The following DDX10 variants were observed in gnomAD, a reference collection of about 807,000 sequenced individuals.
The protein encoded by DDX10 is probable ATP-dependent RNA helicase DDX10.
DDX10 carries 74 observed loss-of-function variants against 104.3 expected under a neutral mutation model. That is an observed-to-expected ratio of 0.71 (90% CI 0.59 to 0.86). The LOEUF (loss-of-function observed/expected upper bound fraction) is 0.86. Among genes scored for constraint, DDX10 ranks in the 40% least tolerant of loss-of-function variants. The pLI is 0.00. For missense variants in DDX10, 952 were observed against 1,040.0 expected (o/e 0.92, Z 1.16); for synonymous variants, 351 against 353.4 (o/e 0.99, Z 0.08).
intron 17 of DDX10, among the ~76,000 whole-genome samples, chr11:108,927,469 A>T (rs1305812765): frequency 6.6e-6 from 1 of 152,088 alleles, no homozygotes; most frequent in Non-Finnish European, 1.5e-5. Context: ...TAACTTAATT[A>T]TTGGAACTGT....
intron 9 of DDX10, among the ~76,000 whole-genome samples, chr11:108,704,247 A>T (rs1189047984): frequency 6.6e-6 from 1 of 152,124 alleles, no homozygotes; most frequent in Non-Finnish European, 1.5e-5. Context: ...CTCTTTGCCA[A>T]AGTTCTTGCC....
At chr11:108,847,243 G>A (rs1307567143) in intron 15 of DDX10, among the ~76,000 whole-genome samples, 1 of 152,180 alleles carries the variant, frequency 6.6e-6, no homozygotes, top group Non-Finnish European at 1.5e-5. Context: ...TAATAATTCA[G>A]TCAGAACTGT....
At chr11:108,843,687 T>A (rs1210134293) in intron 15 of DDX10, among the ~76,000 whole-genome samples, 4 of 150,744 alleles carry the variant, frequency 2.7e-5, no homozygotes, top group African/African-American at 9.8e-5. Context: ...ACCTGGGAGG[T>A]GGAGGTTGCA....
In DDX10 at chr11:108,720,673, C is replaced by T. The variant is rs562750356; in HGVS notation, c.1499+788C>T. On this transcript the variant is annotated intron_variant, in intron 12 of 17. Transcript: ENST00000322536. The stretch of plus-strand genomic sequence containing the variant: ...TGGTGTGATCATGGCTCACTGCATC[C>T]TTGACCTCCCAGGCTTAGGTGATCC... Among the ~76,000 whole-genome samples the T allele has an allele frequency of 7.2e-5, 11 of 152,192 alleles. No homozygotes were observed. The South Asian group carries it at 2.3e-3, about 32-fold the overall frequency.
rs76872101 is a variant in DDX10 at position 108,808,287 on chromosome 11, G to A, written c.1966-30159G>A. 3.8e-3 allele frequency among the ~76,000 whole-genome samples: 578 copies of A among 151,168 alleles called. 3 individuals are homozygous for A. Among genetic ancestry groups the A allele is most frequent in the African/African-American group, 0.014 (556 of 41,130 alleles). ...GGATACTTTGAGAATGTAATATGTAGACTACCTGTATAATTTGACCTCTAA... is the reference window on the plus strand; with the variant it reads ...GGATACTTTGAGAATGTAATATGTAAACTACCTGTATAATTTGACCTCTAA... On this transcript the variant is annotated intron_variant, in intron 13 of 17. Coordinates refer to ENST00000322536, the MANE Select transcript of DDX10 (RefSeq NM_004398.4).
At chr11:108,918,300 T>C in intron 17 of DDX10, 1 of 405,376 alleles carries the variant, frequency 2.5e-6, no homozygotes, top group East Asian at 3.6e-5. Flanking sequence ...TTCTTTTTTT[T>C]TTTTTCTTAT....
chr11:108,849,313 A>G (rs1276481007), intron 15 of DDX10, among the ~76,000 whole-genome samples: 3 of 152,126 alleles, frequency 2.0e-5, no homozygotes, highest in Non-Finnish European at 4.4e-5. Flanking sequence ...TGGGGAGTCA[A>G]TTCCTTACCA....
chr11:108,720,839 C>G (rs908073748), intron 12 of DDX10, among the ~76,000 whole-genome samples: 5 of 151,436 alleles, frequency 3.3e-5, no homozygotes, highest in Non-Finnish European at 7.4e-5. Flanking sequence ...GTGATCCCCC[C>G]ACCTCAGCCT....
At chr11:108,818,402 T>C (rs1307211409) in intron 13 of DDX10, among the ~76,000 whole-genome samples, 2 of 152,234 alleles carry the variant, frequency 1.3e-5, no homozygotes, top group Admixed American at 6.5e-5. Context: ...GGTCTTTTTA[T>C]AGGAAGTTTT....
chr11:108,807,428 T>C (rs536356559), intron 13 of DDX10, among the ~76,000 whole-genome samples: 61 of 152,298 alleles, frequency 4.0e-4, no homozygotes, highest in Admixed American at 9.2e-4. Flanking sequence ...TAGACAGTAC[T>C]GCAGTACTCT....
intron 17 of DDX10, chr11:108,919,769 A>G (rs1863799529): frequency 6.6e-6 from 1 of 152,146 alleles, no homozygotes; most frequent in South Asian, 2.1e-4. Context: ...CTAACATTTT[A>G]GATAGTTTCT....
At chr11:108,917,846 G>A in intron 16 of DDX10, 27 bp from the exon 17 acceptor site, 2 of 1,605,242 alleles carry the variant, frequency 1.2e-6, no homozygotes, top group African/African-American at 1.3e-5. Context: ...TTCTTCAACT[G>A]CAGTTTCCCT....
chr11:108,838,184 G>A (rs1862583352), intron 13 of DDX10, among the ~76,000 whole-genome samples: 1 of 152,076 alleles, frequency 6.6e-6, no homozygotes, highest in African/African-American at 2.4e-5. Context: ...TTATCAAATA[G>A]CACAGTTCTA....
chr11:108,678,601 T>G (rs1339402211), intron 5 of DDX10, among the ~76,000 whole-genome samples, 166 bp downstream of exon 5: 1 of 152,096 alleles, frequency 6.6e-6, no homozygotes, highest in African/African-American at 2.4e-5. Context: ...ACCCAGAAAG[T>G]AAAAGTAGAC....
chr11:108,765,248 G>T (rs1306387631), intron 13 of DDX10, among the ~76,000 whole-genome samples: 1 of 152,128 alleles, frequency 6.6e-6, no homozygotes, highest in Non-Finnish European at 1.5e-5. Flanking sequence ...TGGTAGTGGG[G>T]CTGAATTTAC....
At chr11:108,694,715 C>G (rs1365074338) in intron 9 of DDX10, among the ~76,000 whole-genome samples, 1 of 152,108 alleles carries the variant, frequency 6.6e-6, no homozygotes, top group Non-Finnish European at 1.5e-5. Context: ...CCTGTCTCTA[C>G]TACAAATACA....
At chr11:108,753,570 C>T (rs918268340) in intron 13 of DDX10, among the ~76,000 whole-genome samples, 4 of 151,978 alleles carry the variant, frequency 2.6e-5, no homozygotes, top group Admixed American at 2.0e-4. Flanking sequence ...TTTTATATAT[C>T]ATGAATGGAA....
At chr11:108,878,972 C>G (rs1183532138) in intron 16 of DDX10, among the ~76,000 whole-genome samples, 1 of 152,060 alleles carries the variant, frequency 6.6e-6, no homozygotes, top group African/African-American at 2.4e-5. Context: ...GAGGATAGAA[C>G]ACTTTTTTTT....
chr11:108,916,100 A>T (rs1356203725), intron 16 of DDX10, among the ~76,000 whole-genome samples: 3 of 152,082 alleles, frequency 2.0e-5, no homozygotes, highest in African/African-American at 7.2e-5. Flanking sequence ...TCCCCATGTT[A>T]ACAAAAGCTC....
Sources: gnomAD v4.1 joint callset for allele counts (sites outside exome capture counted in the v4.1 genomes callset) on GRCh38, gnomAD v4.1.1 for gene constraint, MANE v1.5 for transcripts, NCBI Gene and HGNC (gene_info 2026-07-23, HGNC 2026-07-21) for gene names.